NFIA: variants seen among roughly 807,000 people sequenced by gnomAD.
NFIA encodes nuclear factor I A.
A neutral mutation model predicts 62.8 loss-of-function variants in NFIA; 8 were observed. That is an observed-to-expected ratio of 0.13 (90% CI 0.07 to 0.23). The LOEUF is 0.23. Among genes scored for constraint, NFIA ranks in the 10% least tolerant of loss-of-function variants. The pLI is 1.00. For synonymous variants in NFIA, 235 were observed against 238.1 expected (o/e 0.99, Z 0.12); for missense variants, 410 against 642.1 (o/e 0.64, Z 3.91).
chr1:61,187,956 G>C (rs190954686), intron 2 of NFIA, among the ~76,000 whole-genome samples: 27 of 152,200 alleles, frequency 1.8e-4, no homozygotes, highest in Admixed American at 9.8e-4. Context: ...TTTGCCTCCT[G>C]CTTGAGGTGG....
intron 1 of NFIA, 116 bp downstream of exon 1, chr1:61,082,934 G>T (rs1275672818): frequency 9.0e-6 from 9 of 1,005,090 alleles, no homozygotes; most frequent in Middle Eastern, 3.6e-4. Context: ...GTGCGTCTCG[G>T]TGTGTGTCTG....
intron 2 of NFIA, among the ~76,000 whole-genome samples, chr1:61,272,664 T>G (rs893884185): frequency 6.6e-6 from 1 of 152,228 alleles, no homozygotes; most frequent in African/African-American, 2.4e-5. Context: ...GGTCTACAGT[T>G]GTAGAGGGTA....
chr1:61,182,792 C>G (rs996913712), intron 2 of NFIA, among the ~76,000 whole-genome samples: 1 of 152,140 alleles, frequency 6.6e-6, no homozygotes, highest in South Asian at 2.1e-4. Flanking sequence ...ATTTCATTTG[C>G]AGCATTAGGG....
chr1:61,083,691 A>G (rs990133018), intron 1 of NFIA, among the ~76,000 whole-genome samples: 2 of 151,352 alleles, frequency 1.3e-5, no homozygotes, highest in African/African-American at 4.8e-5. Flanking sequence ...CGGGCCGGGT[A>G]GCGCCGGGCA....
chr1:61,122,799 G>T (rs1413576107), intron 2 of NFIA, among the ~76,000 whole-genome samples: 1 of 152,114 alleles, frequency 6.6e-6, no homozygotes, highest in Non-Finnish European at 1.5e-5. Flanking sequence ...TGGAGTACGT[G>T]TGAAGGATGT....
intron 2 of NFIA, among the ~76,000 whole-genome samples, chr1:61,265,808 A>C (rs1234093361): frequency 3.3e-5 from 5 of 152,312 alleles, no homozygotes; most frequent in South Asian, 2.1e-4. Flanking sequence ...AACTTAGTTT[A>C]TGGCCTTCTG....
At chr1:61,137,903 T>C (rs1478168387) in intron 2 of NFIA, among the ~76,000 whole-genome samples, 1 of 152,092 alleles carries the variant, frequency 6.6e-6, no homozygotes, top group Admixed American at 6.5e-5. Flanking sequence ...AAACACTGTC[T>C]ATTCTTAATG....
chr1:61,299,123 A>T (rs1193136781), intron 3 of NFIA, among the ~76,000 whole-genome samples: 1 of 152,194 alleles, frequency 6.6e-6, no homozygotes, highest in Non-Finnish European at 1.5e-5. Context: ...GCTAAAAAGA[A>T]GATGATCTTC....
At position 61,187,860 on chromosome 1, in the gene NFIA, CTGTG is replaced by C. The variant is rs1438681552; in HGVS notation, c.560-89657_560-89654del. On this transcript the variant is annotated intron_variant, in intron 2 of 10. Transcript: ENST00000403491. Reference sequence around the variant, plus strand: ...CCATTTTCCTTTTGTTGAAGTGGGTCTGTGTGAGAGCGGGCTGTGCCCTCCTTCT... The same window carrying C: ...CCATTTTCCTTTTGTTGAAGTGGGTCTGAGAGCGGGCTGTGCCCTCCTTCT... Among the ~76,000 whole-genome samples, 10 of 152,272 alleles carry C rather than the reference CTGTG, an allele frequency of 6.6e-5. 1 individual carries two copies. The highest frequency in any genetic ancestry group is 2.4e-4 in the African/African-American group (10 of 41,564).
chr1:61,254,284 C>T (rs964519585), intron 2 of NFIA, among the ~76,000 whole-genome samples: 6 of 152,206 alleles, frequency 3.9e-5, no homozygotes, highest in African/African-American at 1.4e-4. Flanking sequence ...TGTGTTAGCA[C>T]TTTTTAAACA....
At chr1:61,332,476 A>G (rs754624455) in intron 3 of NFIA, 36 bp from the exon 4 acceptor site, 1 of 1,580,184 alleles carries the variant, frequency 6.3e-7, no homozygotes, top group African/African-American at 1.3e-5. Context: ...TCTTGTATTT[A>G]TGACACTTTG....
chr1:61,251,254 C>T (rs915927690), intron 2 of NFIA: 3 of 152,160 alleles, frequency 2.0e-5, no homozygotes, highest in Non-Finnish European at 4.4e-5. Context: ...AAGGGAACTC[C>T]GTGATCTCTT....
chr1:61,272,118 G>A (rs967561851), intron 2 of NFIA, among the ~76,000 whole-genome samples: 6 of 151,720 alleles, frequency 4.0e-5, no homozygotes, highest in African/African-American at 1.2e-4. Flanking sequence ...TCGGTGGTCC[G>A]GATTTAGTAA....
chr1:61,098,982 A>G (rs985320879), intron 2 of NFIA, among the ~76,000 whole-genome samples: 1 of 152,182 alleles, frequency 6.6e-6, no homozygotes, highest in Non-Finnish European at 1.5e-5. Flanking sequence ...TTTCAGTCCA[A>G]AATGTTATGG....
intron 2 of NFIA, among the ~76,000 whole-genome samples, chr1:61,127,538 G>C (rs1259385829): frequency 1.3e-5 from 2 of 151,966 alleles, no homozygotes; most frequent in African/African-American, 2.4e-5. Context: ...TCTTTGAGGA[G>C]AGCTCCCCAA....
At position 61,449,354 on chromosome 1, in the gene NFIA, T is replaced by C. The variant is rs573455369; in HGVS notation, c.1513-5949T>C. On this transcript the variant is annotated intron_variant, in intron 10 of 10. Coordinates refer to ENST00000403491, the MANE Select transcript of NFIA (RefSeq NM_001134673.4). ...CGGATACAGCTTGTTCTTCCTTCCC[T>C]CCTTTATTTATTTAACAGTATTTAT... 3.9e-5 allele frequency among the ~76,000 whole-genome samples: 6 copies of C among 152,320 alleles called. No homozygotes were observed. The South Asian group carries it at 1.2e-3, about 32-fold the overall frequency.
At chr1:61,280,751 A>G (rs1003323908) in intron 3 of NFIA, among the ~76,000 whole-genome samples, 1 of 152,228 alleles carries the variant, frequency 6.6e-6, no homozygotes, top group East Asian at 1.9e-4. Context: ...GTCCAATTAG[A>G]GCATTAGATG....
chr1:61,462,354 A>G lies in NFIA; in HGVS notation c.*7034A>G, dbSNP rs1668579219. On this transcript the variant is annotated 3_prime_UTR_variant, in exon 11 of 11. Transcript: ENST00000403491. The stretch of plus-strand genomic sequence containing the variant: ...GCAAAATTCACTGGGGACTTTTCCC[A>G]CCACACATGGAAATCTGTCCACTCG... The G allele has an allele frequency of 6.6e-6, 1 of 151,994 alleles. No individual in the cohort carries two copies. The highest frequency in any genetic ancestry group is 2.1e-4 in the South Asian group (1 of 4,804). The allele number at this position is 151,994 out of a possible 1,614,324, so 9.4% of individuals were successfully genotyped here.
intron 2 of NFIA, among the ~76,000 whole-genome samples, chr1:61,214,923 T>C (rs1478179470): frequency 6.6e-6 from 1 of 152,206 alleles, no homozygotes; most frequent in East Asian, 1.9e-4. Flanking sequence ...GTAACTCCTT[T>C]ATTATAAAAT....
Sources: allele counts gnomAD v4.1 joint callset (sites outside exome capture counted in the v4.1 genomes callset), GRCh38; gene constraint gnomAD v4.1.1; transcripts MANE v1.5; gene names NCBI Gene and HGNC (gene_info 2026-07-23, HGNC 2026-07-21).